Variants in DCC observed in about 807,000 individuals in gnomAD.
DCC encodes netrin receptor DCC.
DCC carries 58 observed loss-of-function variants against 172.5 expected under a neutral mutation model. The observed-to-expected ratio is 0.34, with a 90% CI of 0.27 to 0.42. DCC has a LOEUF of 0.42. DCC is among the 10% of genes least tolerant of loss of function. The pLI is 1.00. For missense variants in DCC, 1,740 were observed against 1,791.0 expected (o/e 0.97, Z 0.51); for synonymous variants, 709 against 644.5 (o/e 1.10, Z -1.52).
Position 53,535,782 on chromosome 18 carries a change from A to G in DCC, c.*5129A>G, listed in dbSNP as rs760584751. ...GTTTCTACACATGATCTTGTATACT[A>G]CTACACAAGGAAAAGGGGGTTTTGT... On this transcript the variant is annotated 3_prime_UTR_variant, in exon 29 of 29. Coordinates refer to ENST00000442544, the MANE Select transcript of DCC (RefSeq NM_005215.4). 6.6e-6 allele frequency: 1 copy of G among 152,162 alleles called. No homozygotes were observed. The highest frequency in any genetic ancestry group is 1.5e-5 in the Non-Finnish European group (1 of 68,022). 9.4% of individuals were successfully genotyped at this position (152,162 alleles called of 1,614,324 possible). A position where few individuals can be genotyped will look rare whatever the true frequency, so the allele number is the denominator to read the frequency against.
rs185856448 is a variant in DCC at position 52,940,375 on chromosome 18, C to T, written c.985+15005C>T. 8.7e-4 allele frequency among the ~76,000 whole-genome samples: 133 copies of T among 152,158 alleles called. 2 individuals are homozygous for T. Among genetic ancestry groups the T allele is most frequent in the African/African-American group, 1.2e-3 (50 of 41,520 alleles). ...TCAGGCAGACTAGATCTTCTTGTCT[C>T]GACCACTTTCACTCAAATTCTTAAA... On this transcript the variant is annotated intron_variant, in intron 5 of 28. Coordinates refer to ENST00000442544, the MANE Select transcript of DCC (RefSeq NM_005215.4).
intron 9 of DCC, among the ~76,000 whole-genome samples, chr18:53,198,031 A>G (rs189008736): frequency 4.1e-4 from 63 of 152,298 alleles, no homozygotes; most frequent in African/African-American, 1.4e-3. Context: ...TCACAAACAC[A>G]TTTTAGCTTT....
chr18:53,524,659 A>T (rs1181918773), intron 27 of DCC, among the ~76,000 whole-genome samples: 1 of 152,048 alleles, frequency 6.6e-6, no homozygotes, highest in Non-Finnish European at 1.5e-5. Context: ...TATGAGAAAC[A>T]ATGATAAAAA....
intron 1 of DCC, among the ~76,000 whole-genome samples, chr18:52,386,087 C>G (rs1451492919): frequency 6.6e-6 from 1 of 152,030 alleles, no homozygotes; most frequent in Non-Finnish European, 1.5e-5. Flanking sequence ...AGCATAAGGT[C>G]AGAACTCAAT....
intron 15 of DCC, among the ~76,000 whole-genome samples, chr18:53,358,181 A>G (rs1282626497): frequency 1.3e-4 from 20 of 152,126 alleles, no homozygotes; most frequent in Admixed American, 1.3e-3. Flanking sequence ...GCTTTCATAA[A>G]TGCTTTGAAA....
chr18:53,260,067 G>T (rs1391000645), intron 12 of DCC, among the ~76,000 whole-genome samples: 1 of 151,988 alleles, frequency 6.6e-6, no homozygotes, highest in Admixed American at 6.6e-5. Context: ...GTCCTTTAAG[G>T]ACTTCCCTGC....
intron 5 of DCC, among the ~76,000 whole-genome samples, chr18:52,990,553 A>T (rs112579190): frequency 2.0e-4 from 29 of 147,080 alleles, no homozygotes; most frequent in Non-Finnish European, 3.4e-4. Flanking sequence ...AAAAAAAAAA[A>T]AAAAAAAAAA....
chr18:53,311,447 T>G (rs556745978), intron 13 of DCC, among the ~76,000 whole-genome samples: 163 of 152,224 alleles, frequency 1.1e-3, no homozygotes, highest in Non-Finnish European at 1.4e-3. Context: ...ACAGAAGAAA[T>G]AACTGAGGTC....
intron 27 of DCC, among the ~76,000 whole-genome samples, chr18:53,509,277 G>A (rs1427549599): frequency 1.3e-5 from 2 of 152,212 alleles, no homozygotes; most frequent in Non-Finnish European, 2.9e-5. Context: ...TCTTCTCACT[G>A]AAAAATTATA....
At chr18:53,429,087 A>ATAAT (rs1555670873) in intron 21 of DCC, among the ~76,000 whole-genome samples, 1 of 82,566 alleles carries the variant, frequency 1.2e-5, no homozygotes, top group African/African-American at 3.9e-5. Context: ...TATTTTATAT[A>ATAAT]ATATATATTT....
intron 5 of DCC, among the ~76,000 whole-genome samples, chr18:52,961,908 T>C (rs1449221262): frequency 1.3e-5 from 2 of 152,126 alleles, no homozygotes; most frequent in South Asian, 2.1e-4. Flanking sequence ...TAGCCATATG[T>C]AGAAAGCTGA....
At chr18:53,370,593 G>C (rs181382104) in intron 15 of DCC, among the ~76,000 whole-genome samples, 25 of 151,684 alleles carry the variant, frequency 1.6e-4, no homozygotes, top group South Asian at 2.1e-4. Flanking sequence ...TTTTCACTTG[G>C]TTCCATGTAT....
At chr18:53,211,057 A>G in intron 11 of DCC, among the ~76,000 whole-genome samples, 1 of 152,176 alleles carries the variant, frequency 6.6e-6, no homozygotes, top group East Asian at 1.9e-4. Flanking sequence ...AGTCACTAAG[A>G]GCTTTTATGA....
intron 2 of DCC, among the ~76,000 whole-genome samples, chr18:52,791,300 G>A (rs890613144): frequency 1.4e-4 from 21 of 152,132 alleles, no homozygotes; most frequent in African/African-American, 5.1e-4. Flanking sequence ...ATCTCAGGGT[G>A]AAAGGAGTTC....
At chr18:52,793,863 G>A (rs77054809) in intron 2 of DCC, among the ~76,000 whole-genome samples, 6,564 of 152,206 alleles carry the variant, frequency 0.043, 221 homozygotes, top group South Asian at 0.16. Flanking sequence ...TGAGCACTTA[G>A]TTTTCCCTGC....
At chr18:53,091,861 A>ATCAATCAATCTATC in intron 7 of DCC, among the ~76,000 whole-genome samples, 1 of 63,358 alleles carries the variant, frequency 1.6e-5, no homozygotes, top group East Asian at 7.2e-4. Context: ...CAATCTATCT[A>ATCAATCAATCTATC]TATATATATA....
chr18:53,028,152 G>A (rs531454614), intron 5 of DCC, among the ~76,000 whole-genome samples: 1 of 152,170 alleles, frequency 6.6e-6, no homozygotes, highest in South Asian at 2.1e-4. Context: ...TTGCCTACAT[G>A]GGCACGTTCA....
intron 25 of DCC, among the ~76,000 whole-genome samples, chr18:53,468,504 T>A (rs931451270): frequency 6.6e-6 from 1 of 151,994 alleles, no homozygotes. Context: ...TGCCTCAGTC[T>A]TCCAAGAAGC....
At chr18:53,008,630 G>A (rs1020287804) in intron 5 of DCC, among the ~76,000 whole-genome samples, 6 of 151,752 alleles carry the variant, frequency 4.0e-5, no homozygotes, top group Non-Finnish European at 7.4e-5. Flanking sequence ...AGCCATTTTA[G>A]TACCATTGGC....
Sources: allele counts gnomAD v4.1 joint callset (sites outside exome capture counted in the v4.1 genomes callset), GRCh38; gene constraint gnomAD v4.1.1; transcripts MANE v1.5; gene names NCBI Gene and HGNC (gene_info 2026-07-23, HGNC 2026-07-21).